LRRC3B: variants seen among roughly 807,000 people sequenced by gnomAD.
LRRC3B encodes the protein leucine-rich repeat-containing protein 3B.
LRRC3B carries 2 observed loss-of-function variants against 12.8 expected under a neutral mutation model. The ratio of observed to expected loss-of-function variants is 0.16; its 90% CI spans 0.06 to 0.49. LRRC3B has a LOEUF of 0.49. Ranked by LOEUF, LRRC3B falls within the 20% of genes least tolerant of loss-of-function variation. The pLI is 0.96. For synonymous variants in LRRC3B, 132 were observed against 122.0 expected (o/e 1.08, Z -0.54); for missense variants, 189 against 319.4 (o/e 0.59, Z 3.11).
chr3:26,648,850 A>G (rs1307579053), intron 1 of LRRC3B, among the ~76,000 whole-genome samples: 4 of 152,234 alleles, frequency 2.6e-5, no homozygotes, highest in Non-Finnish European at 4.4e-5. Context: ...ACATCAGCAA[A>G]TGATCTGTAA....
chr3:26,697,262 G>C (rs1404194826), intron 1 of LRRC3B, among the ~76,000 whole-genome samples: 1 of 152,122 alleles, frequency 6.6e-6, no homozygotes, highest in Admixed American at 6.5e-5. Flanking sequence ...TGGGGGTATG[G>C]CCACACTAAC....
intron 1 of LRRC3B, among the ~76,000 whole-genome samples, chr3:26,669,056 G>A (rs1699666160): frequency 6.6e-6 from 1 of 152,176 alleles, no homozygotes; most frequent in African/African-American, 2.4e-5. Flanking sequence ...AGGTAAACAT[G>A]CAAAGATGCT....
At chr3:26,685,505 CTCTCTCTCTCTCTCTCTCTATATA>C (rs1266999379) in intron 1 of LRRC3B, among the ~76,000 whole-genome samples, 1 of 48,344 alleles carries the variant, frequency 2.1e-5, no homozygotes, top group African/African-American at 8.2e-5. Context: ...CTCTCTCTCT[CTCTCTCTCTCTCTCTCTCTATATA>C]TATATATATA....
intron 1 of LRRC3B, among the ~76,000 whole-genome samples, chr3:26,683,089 C>T (rs1293858368): frequency 6.6e-6 from 1 of 152,114 alleles, no homozygotes; most frequent in African/African-American, 2.4e-5. Context: ...TCTGGGACTT[C>T]TAGGGCACCA....
chr3:26,665,527 T>C lies in LRRC3B; in HGVS notation c.-161+42290T>C, dbSNP rs141875126. ...ACAACTTCAAAATATTGCCATCTAA[T>C]CTGAAAAGCATGGAGTTCGGTATTG... On this transcript the variant is annotated intron_variant, in intron 1 of 1. Coordinates refer to ENST00000396641, the Ensembl canonical transcript of LRRC3B. 3.7e-4 allele frequency among the ~76,000 whole-genome samples: 57 copies of C among 152,204 alleles called. 1 individual carries two copies. In the East Asian group the frequency reaches 0.01, roughly 28 times the overall value.
At chr3:26,643,633 A>G (rs756445818) in intron 1 of LRRC3B, among the ~76,000 whole-genome samples, 3 of 152,208 alleles carry the variant, frequency 2.0e-5, no homozygotes, top group Non-Finnish European at 4.4e-5. Context: ...TTTACAGGCC[A>G]CAAAGAGTGA....
At chr3:26,680,518 T>TGG (rs1699949451) in intron 1 of LRRC3B, among the ~76,000 whole-genome samples, 5 of 152,232 alleles carry the variant, frequency 3.3e-5, no homozygotes, top group African/African-American at 4.8e-5. Context: ...TGCATCCATT[T>TGG]GTGGGTAGGG....
At chr3:26,640,834 T>C (rs1486926049) in intron 1 of LRRC3B, among the ~76,000 whole-genome samples, 1 of 152,124 alleles carries the variant, frequency 6.6e-6, no homozygotes, top group Non-Finnish European at 1.5e-5. Flanking sequence ...AAAAGGACTT[T>C]GGGAATCCTG....
intron 1 of LRRC3B, among the ~76,000 whole-genome samples, chr3:26,695,376 A>C (rs1700287902): frequency 6.6e-6 from 1 of 151,998 alleles, no homozygotes; most frequent in African/African-American, 2.4e-5. Flanking sequence ...AAATACAAAA[A>C]ATTAGCCGGG....
At chr3:26,644,951 C>T (rs1699111435) in intron 1 of LRRC3B, among the ~76,000 whole-genome samples, 1 of 152,104 alleles carries the variant, frequency 6.6e-6, no homozygotes, top group Admixed American at 6.6e-5. Context: ...TATACATATG[C>T]ATATGAAAAC....
chr3:26,685,923 C>G (rs1011264167), intron 1 of LRRC3B, among the ~76,000 whole-genome samples: 3 of 152,052 alleles, frequency 2.0e-5, no homozygotes, highest in Admixed American at 2.0e-4. Flanking sequence ...GGCAAACATT[C>G]TCTAAGATTC....
chr3:26,692,929 C>G (rs981893624), intron 1 of LRRC3B, among the ~76,000 whole-genome samples: 14 of 152,138 alleles, frequency 9.2e-5, no homozygotes, highest in Non-Finnish European at 1.6e-4. Context: ...GTGGCTGGCT[C>G]TAGGCTGGGA....
chr3:26,628,091 C>T (rs932021491), intron 1 of LRRC3B, among the ~76,000 whole-genome samples: 3 of 152,042 alleles, frequency 2.0e-5, no homozygotes, highest in Admixed American at 2.0e-4. Context: ...CTAGGTGGTG[C>T]AATATCAAAA....
At chr3:26,653,049 T>A (rs1699297153) in intron 1 of LRRC3B, among the ~76,000 whole-genome samples, 1 of 151,224 alleles carries the variant, frequency 6.6e-6, no homozygotes, top group Non-Finnish European at 1.5e-5. Flanking sequence ...CCTAGTAGAT[T>A]CATACTTAAG....
intron 1 of LRRC3B, among the ~76,000 whole-genome samples, chr3:26,688,858 C>G (rs945353833): frequency 2.6e-5 from 4 of 152,206 alleles, no homozygotes; most frequent in Non-Finnish European, 5.9e-5. Context: ...TTTTTAACCA[C>G]TTTGATTTGT....
chr3:26,663,191 A>G (rs1365171131), intron 1 of LRRC3B, among the ~76,000 whole-genome samples: 1 of 152,028 alleles, frequency 6.6e-6, no homozygotes, highest in Admixed American at 6.6e-5. Context: ...AGCTTGATTG[A>G]GTTCTGTCTC....
At chr3:26,680,466 CTG>C (rs1325925121) in intron 1 of LRRC3B, among the ~76,000 whole-genome samples, 5 of 152,204 alleles carry the variant, frequency 3.3e-5, no homozygotes, top group Non-Finnish European at 7.3e-5. Context: ...CAAAGAAAGA[CTG>C]TAAATTTCCC....
At chr3:26,660,822 G>A (rs1218133786) in intron 1 of LRRC3B, among the ~76,000 whole-genome samples, 1 of 152,134 alleles carries the variant, frequency 6.6e-6, no homozygotes, top group Non-Finnish European at 1.5e-5. Flanking sequence ...CTGCATGATT[G>A]AGTTACCTAT....
At chr3:26,647,546 A>T (rs1046034289) in intron 1 of LRRC3B, among the ~76,000 whole-genome samples, 1 of 152,202 alleles carries the variant, frequency 6.6e-6, no homozygotes. Context: ...TGTGAATAAA[A>T]TGTATTATTA....
Sources: gnomAD v4.1 joint callset for allele counts (sites outside exome capture counted in the v4.1 genomes callset) on GRCh38, gnomAD v4.1.1 for gene constraint, MANE v1.5 for transcripts, NCBI Gene and HGNC (gene_info 2026-07-23, HGNC 2026-07-21) for gene names.